EPB41L4B: variants seen among roughly 807,000 people sequenced by gnomAD.
The protein encoded by EPB41L4B is band 4.1-like protein 4B.
Under a neutral mutation model 112.5 loss-of-function variants are expected in EPB41L4B, and 30 were observed. The observed-to-expected ratio is 0.27, with a 90% CI of 0.20 to 0.36. The LOEUF (loss-of-function observed/expected upper bound fraction) is 0.36. Among genes scored for constraint, EPB41L4B ranks in the 10% least tolerant of loss-of-function variants. The pLI is 1.00. For synonymous variants in EPB41L4B, 408 were observed against 439.7 expected, an observed-to-expected ratio of 0.93 and a Z score of 0.90; for missense variants, 1,024 against 1,133.3, an observed-to-expected ratio of 0.90 and a Z score of 1.38.
At chr9:109,273,407 T>C (rs996250335) in intron 2 of EPB41L4B, among the ~76,000 whole-genome samples, 18 of 152,066 alleles carry the variant, frequency 1.2e-4, no homozygotes, top group Non-Finnish European at 5.9e-5. Context: ...CCACCACGCC[T>C]GGCTAATTTT....
chr9:109,199,185 G>T (rs1008732068), intron 20 of EPB41L4B, among the ~76,000 whole-genome samples: 1 of 152,152 alleles, frequency 6.6e-6, no homozygotes, highest in African/African-American at 2.4e-5. Flanking sequence ...TCCTCCTACA[G>T]GTGTCAAAGC....
chr9:109,284,922 A>G lies in EPB41L4B; in HGVS notation c.307-5001T>C, dbSNP rs144530868. ...GAGAATCTGCTAGTGGGACAGAACT[A>G]GTTAAGTAACACTTTTAGCAGCAGG... On this transcript the variant is annotated intron_variant, in intron 1 of 25. Coordinates refer to ENST00000374566, the MANE Select transcript of EPB41L4B (RefSeq NM_019114.5). Among the ~76,000 whole-genome samples the G allele has an allele frequency of 1.6e-3, 241 of 152,358 alleles. No homozygotes were observed. The East Asian group carries it at 0.018, about 11-fold the overall frequency.
At chr9:109,212,168 A>G (rs932631014) in intron 17 of EPB41L4B, among the ~76,000 whole-genome samples, 1 of 152,140 alleles carries the variant, frequency 6.6e-6, no homozygotes, top group Non-Finnish European at 1.5e-5. Flanking sequence ...ATTGCAAATC[A>G]CTATAGAGCT....
chr9:109,189,716 C>A (rs1021937314), intron 22 of EPB41L4B, among the ~76,000 whole-genome samples: 3 of 151,944 alleles, frequency 2.0e-5, no homozygotes, highest in Non-Finnish European at 4.4e-5. Flanking sequence ...GCAACCTCTG[C>A]CTCTGGGGGT....
At chr9:109,307,813 T>C (rs1837267062) in intron 1 of EPB41L4B, among the ~76,000 whole-genome samples, 1 of 150,176 alleles carries the variant, frequency 6.7e-6, no homozygotes, top group Admixed American at 6.7e-5. Flanking sequence ...TTGAGAACCC[T>C]GGTCGCTTTC....
chr9:109,253,553 G>A lies in EPB41L4B; in HGVS notation c.1170-3C>T, dbSNP rs748280591. ...TAGCTTGATATTCTGTCCGCCCACT[G>A]GGAAGTAAATATTTTCTCGTGTGTT... On this transcript the variant is annotated splice_region_variant and splice_polypyrimidine_tract_variant and intron_variant, in intron 11 of 25. Coordinates refer to ENST00000374566, the MANE Select transcript of EPB41L4B (RefSeq NM_019114.5). 10 of 1,588,898 alleles carry A rather than the reference G, an allele frequency of 6.3e-6. No homozygotes were observed. Among genetic ancestry groups the A allele is most frequent in the Non-Finnish European group, 8.6e-6 (10 of 1,157,798 alleles).
intron 22 of EPB41L4B, among the ~76,000 whole-genome samples, chr9:109,192,003 C>G (rs945315063): frequency 6.6e-6 from 1 of 152,184 alleles, no homozygotes; most frequent in African/African-American, 2.4e-5. Context: ...AACAAAACAC[C>G]GAGGAGCCCT....
At chr9:109,252,122 T>C (rs1192687156) in intron 12 of EPB41L4B, among the ~76,000 whole-genome samples, 1 of 152,094 alleles carries the variant, frequency 6.6e-6, no homozygotes, top group Non-Finnish European at 1.5e-5. Context: ...TCTAAAGCCA[T>C]CTGGTGGGGT....
At chr9:109,194,086 T>G in intron 21 of EPB41L4B, 134 bp downstream of exon 21, 1 of 918,180 alleles carries the variant, frequency 1.1e-6, no homozygotes, top group South Asian at 2.0e-5. Context: ...ATGTTCTGGT[T>G]GTTGCTGTTG....
intron 1 of EPB41L4B, among the ~76,000 whole-genome samples, chr9:109,296,248 G>A (rs1836725336): frequency 1.3e-5 from 2 of 152,286 alleles, no homozygotes; most frequent in Non-Finnish European, 2.9e-5. Flanking sequence ...ATGCTATCTC[G>A]CACATGACGC....
intron 15 of EPB41L4B, chr9:109,241,683 A>G: frequency 1.2e-6 from 2 of 1,614,174 alleles, no homozygotes; most frequent in South Asian, 2.2e-5. Flanking sequence ...TCATGAGTTT[A>G]TCTCGATACA....
intron 15 of EPB41L4B, chr9:109,241,799 GA>G: frequency 6.2e-7 from 1 of 1,614,114 alleles, no homozygotes; most frequent in Non-Finnish European, 8.5e-7. Context: ...CTGTCATCCT[GA>G]AAGGATGGCC....
intron 1 of EPB41L4B, among the ~76,000 whole-genome samples, chr9:109,311,269 C>T (rs1171817190): frequency 6.6e-6 from 1 of 152,182 alleles, no homozygotes; most frequent in Non-Finnish European, 1.5e-5. Flanking sequence ...AGCAAGTGAA[C>T]AGGTAGAGCA....
In EPB41L4B at chr9:109,176,673, T is replaced by C. The variant is rs762613711; in HGVS notation, c.2511A>G (p.Leu837=). The part of the protein sequence containing the change: ...QFTADFRDSK[L]QCCPGPTSPL... ...GGGAAGTCGGGCCAGGACAGCACTG[T>C]AATTTACTGTCTCTGAAGTCTGCCT... The change falls in exon 25 of 26, where the codon TTA becomes TTG. Residue 837 remains leucine (L), a synonymous_variant. Transcript: ENST00000374566. The C allele has an allele frequency of 6.2e-7, 1 of 1,613,276 alleles. No homozygotes were observed. The highest frequency in any genetic ancestry group is 2.2e-5 in the East Asian group (1 of 44,874).
chr9:109,259,968 G>A lies in EPB41L4B; in HGVS notation c.632-1671C>T, dbSNP rs531706431. Among the ~76,000 whole-genome samples the A allele has an allele frequency of 1.1e-3, 167 of 152,292 alleles. 1 individual carries two copies. The highest frequency in any genetic ancestry group is 3.9e-3 in the African/African-American group (163 of 41,558). On this transcript the variant is annotated intron_variant, in intron 6 of 25. Transcript: ENST00000374566. ...AAGCTAGCTCAGCTGTGGGTGAGGT[G>A]GAAAGCAGACTGTAGCATTTACTCA...
At position 109,182,771 on chromosome 9, in the gene EPB41L4B, C is replaced by T; in HGVS notation, c.2445G>A (p.Met815Ile). The T allele has an allele frequency of 1.2e-6, 2 of 1,612,138 alleles. No individual in the cohort carries two copies. The highest frequency in any genetic ancestry group is 4.5e-5 in the East Asian group (2 of 44,870). The stretch of plus-strand genomic sequence containing the variant: ...TGGTGAAAGTATCAGGAAACGGGTT[C>T]ATTGTATCAACCGGGAATGTTTTTA... The part of the protein sequence containing the change: ...RLIKTFPVDT[M>I]NPFPDTFTTG... Residue 815 changes from methionine (M) to isoleucine (I), a missense_variant, in exon 24 of 26, where the codon ATG becomes ATA. Coordinates refer to ENST00000374566, the MANE Select transcript of EPB41L4B (RefSeq NM_019114.5).
rs543752043 is a variant in EPB41L4B at position 109,176,709 on chromosome 9, C to T, written c.2488-13G>A. The T allele has an allele frequency of 3.1e-6, 5 of 1,613,130 alleles. No individual in the cohort carries two copies. Among genetic ancestry groups the T allele is most frequent in the Non-Finnish European group, 4.2e-6 (5 of 1,179,718 alleles). On this transcript the variant is annotated splice_polypyrimidine_tract_variant and intron_variant, in intron 24 of 25. Coordinates refer to ENST00000374566, the MANE Select transcript of EPB41L4B (RefSeq NM_019114.5). ...CTCTGAAGTCTGCCTGGAGAAGAAACAGGAAAGAGGAGATCAATCTCAATT... is the reference window on the plus strand; with the variant it reads ...CTCTGAAGTCTGCCTGGAGAAGAAATAGGAAAGAGGAGATCAATCTCAATT...
At chr9:109,267,375 C>T in intron 4 of EPB41L4B, 98 bp downstream of exon 4, 3 of 711,622 alleles carry the variant, frequency 4.2e-6, no homozygotes, top group African/African-American at 1.8e-5. Flanking sequence ...AAATAGACAG[C>T]AGACAGAAGA....
Position 109,253,245 on chromosome 9 carries a change from G to A in EPB41L4B, c.1279+196C>T, listed in dbSNP as rs149520619. Among the ~76,000 whole-genome samples the A allele has an allele frequency of 5.7e-3, 860 of 152,208 alleles. 7 individuals carry two copies. Among genetic ancestry groups the A allele is most frequent in the Admixed American group, 0.012 (191 of 15,290 alleles). On this transcript the variant is annotated intron_variant, in intron 12 of 25. Transcript: ENST00000374566. ...GGGAGAAATAAATGAACACATCCAC[G>A]GCAAACACTAATGACAGAGGGATGG...
Sources: allele counts gnomAD v4.1 joint callset (sites outside exome capture counted in the v4.1 genomes callset), GRCh38; gene constraint gnomAD v4.1.1; transcripts MANE v1.5; gene names NCBI Gene and HGNC (gene_info 2026-07-23, HGNC 2026-07-21).